EIF5B: variants seen among roughly 807,000 people sequenced by gnomAD.
The protein encoded by EIF5B is eIF-5B.
In EIF5B, 47 loss-of-function variants were observed where a neutral mutation model predicts 147.5. That is an observed-to-expected ratio of 0.32 (90% CI 0.25 to 0.41). The LOEUF is 0.41. Ranked by LOEUF, EIF5B falls within the 10% of genes least tolerant of loss-of-function variation. The pLI, the probability that EIF5B is intolerant of heterozygous loss-of-function variation, is 1.00. For missense variants in EIF5B, 1,064 were observed against 1,413.2 expected (o/e 0.75, Z 3.96); for synonymous variants, 455 against 456.2 (o/e 1.00, Z 0.03).
Position 99,360,256 on chromosome 2 carries a change from T to A in EIF5B, c.56T>A (p.Leu19His). The change falls in exon 2 of 24, where the codon CTT (leucine) becomes CAT (histidine). Residue 19 changes from leucine to histidine, a missense_variant. Leu to His is a moderately conservative substitution (Grantham distance 99, BLOSUM62 -3). This residue lies in a region of EIF5B where 458 missense variants were observed against 451.3 expected (regional missense o/e 1.01). Transcript: ENST00000289371. ...SEDSTKDDID[L>H]DALAAEIEGA... Reference sequence around the variant, plus strand: ...TTAAGCACCAAGGATGACATTGATCTTGATGCCTTGGCTGCAGAAATAGAA... The same window carrying A: ...TTAAGCACCAAGGATGACATTGATCATGATGCCTTGGCTGCAGAAATAGAA... The A allele has an allele frequency of 6.2e-7, 1 of 1,604,338 alleles. No individual in the cohort carries two copies. The highest frequency in any genetic ancestry group is 8.5e-7 in the Non-Finnish European group (1 of 1,177,288).
chr2:99,382,969 T>A (rs768888058), intron 14 of EIF5B, 48 bp downstream of exon 14: 2 of 1,522,008 alleles, frequency 1.3e-6, no homozygotes, highest in South Asian at 2.6e-5. Flanking sequence ...TGTTTCTTAA[T>A]TTTTTGTGAT....
chr2:99,392,099 C>T (rs1408716187), intron 17 of EIF5B, among the ~76,000 whole-genome samples: 1 of 151,768 alleles, frequency 6.6e-6, no homozygotes, highest in Non-Finnish European at 1.5e-5. Context: ...GACTATATCA[C>T]AACATATCTA....
chr2:99,384,120 C>G (rs1007251219), intron 14 of EIF5B, among the ~76,000 whole-genome samples: 1 of 143,420 alleles, frequency 7.0e-6, no homozygotes, highest in Non-Finnish European at 1.5e-5. Flanking sequence ...TGGCGTGAAC[C>G]CGGGAGGCGG....
chr2:99,371,726 A>G lies in EIF5B; in HGVS notation c.1548A>G (p.Glu516=). The change falls in exon 9 of 24, where the codon GAA becomes GAG. Residue 516 remains glutamate (E), a synonymous_variant. Coordinates refer to ENST00000289371, the MANE Select transcript of EIF5B (RefSeq NM_015904.4). ...WEAMASDEET[E]KVEGNKVHIE... ...CTATGGCCAGTGATGAGGAGACAGA[A>G]AAAGGTGAATACCTCATAAGCACAC... 22 of 1,612,736 alleles carry G rather than the reference A, an allele frequency of 1.4e-5. No individual in the cohort carries two copies. The highest frequency in any genetic ancestry group is 1.8e-5 in the Non-Finnish European group (21 of 1,179,240).
rs1361946650 is a variant in EIF5B at position 99,361,610 on chromosome 2, G to A, written c.709G>A (p.Glu237Lys). Reference sequence around the variant, plus strand: ...GGCCCAAAAGAAGGCAGAAAAGAAGGAGCGCGAGAGAAAAAAGCGAGATGA... The same window carrying A: ...GGCCCAAAAGAAGGCAGAAAAGAAGAAGCGCGAGAGAAAAAAGCGAGATGA... ...TVAQKKAEKK[E>K]RERKKRDEEK... Residue 237 changes from glutamate to lysine, a missense_variant, in exon 4 of 24, where the codon GAG becomes AAG. Around this residue, in one of 4 missense-constraint regions of EIF5B, gnomAD observed 458 missense variants for 451.3 expected, o/e 1.01. Coordinates refer to ENST00000289371, the MANE Select transcript of EIF5B (RefSeq NM_015904.4). 6.3e-7 allele frequency: 1 copy of A among 1,594,658 alleles called. No homozygotes were observed. Among genetic ancestry groups the A allele is most frequent in the East Asian group, 2.2e-5 (1 of 44,758 alleles).
Position 99,359,407 on chromosome 2 carries a change from C to T in EIF5B, c.36-829C>T, listed in dbSNP as rs12623620. On this transcript the variant is annotated intron_variant, in intron 1 of 23. Coordinates refer to ENST00000289371, the MANE Select transcript of EIF5B (RefSeq NM_015904.4). Reference sequence around the variant, plus strand: ...AAAAAAAGAAATTTTCTTTACTGAACTAAAGCATCTCTTACAAGGTGTCCA... The same window carrying T: ...AAAAAAAGAAATTTTCTTTACTGAATTAAAGCATCTCTTACAAGGTGTCCA... Among the ~76,000 whole-genome samples, 11 of 152,038 alleles carry T rather than the reference C, an allele frequency of 7.2e-5. No homozygotes were observed. The South Asian group carries it at 1.2e-3, about 17-fold the overall frequency.
At chr2:99,353,988 G>C (rs1437099586) in intron 1 of EIF5B, among the ~76,000 whole-genome samples, 1 of 152,168 alleles carries the variant, frequency 6.6e-6, no homozygotes, top group Non-Finnish European at 1.5e-5. Flanking sequence ...AAATTGCTAT[G>C]AACTTCTGTC....
chr2:99,387,120 CT>C (rs1286553182), intron 14 of EIF5B, among the ~76,000 whole-genome samples: 1 of 152,078 alleles, frequency 6.6e-6, no homozygotes, highest in Non-Finnish European at 1.5e-5. Context: ...GTTGGTCAGG[CT>C]GGTCTTGAGC....
At chr2:99,357,622 A>G (rs114837881) in intron 1 of EIF5B, among the ~76,000 whole-genome samples, 10 of 152,346 alleles carry the variant, frequency 6.6e-5, no homozygotes, top group African/African-American at 2.4e-4. Context: ...AAATATAGCT[A>G]ATCACAAGAA....
At position 99,390,695 on chromosome 2, in the gene EIF5B, T is replaced by C; in HGVS notation, c.2738T>C (p.Leu913Ser). 1 of 1,601,668 alleles carries C rather than the reference T, an allele frequency of 6.2e-7. No individual in the cohort carries two copies. The highest frequency in any genetic ancestry group is 1.7e-5 in the Admixed American group (1 of 59,808). ...CTGTTACCTCCTCCTATGAAGGAAT[T>C]ACGAGTGAAGGTATGCTGAGGTGGG... Reference protein sequence around the residue: ...GLLLPPPMKELRVKNQYEKHK... With the variant: ...GLLLPPPMKESRVKNQYEKHK... The change falls in exon 17 of 24, where the codon TTA (leucine) becomes TCA (serine). Residue 913 changes from leucine (L) to serine (S), a missense_variant. By Grantham distance (145) the Leu-to-Ser change is moderately radical. Coordinates refer to ENST00000289371, the MANE Select transcript of EIF5B (RefSeq NM_015904.4).
rs745987409 is a variant in EIF5B, at chr2:99,360,519, C to G, written c.216C>G (p.Ile72Met). 1 of 1,613,646 alleles carries G rather than the reference C, an allele frequency of 6.2e-7. No homozygotes were observed. Among genetic ancestry groups the G allele is most frequent in the Non-Finnish European group, 8.5e-7 (1 of 1,179,842 alleles). The change falls in exon 3 of 24, where the codon ATC becomes ATG. Residue 72 changes from isoleucine to methionine, a missense_variant. Coordinates refer to ENST00000289371, the MANE Select transcript of EIF5B (RefSeq NM_015904.4). ...AATTGTCTTTGGAAGCTCAAGGCAT[C>G]AAAGCTGACAGAGAAACTGTTGCAG... Reference protein sequence around the residue: ...LEELSLEAQGIKADRETVAVK... With the variant: ...LEELSLEAQGMKADRETVAVK...
intron 1 of EIF5B, among the ~76,000 whole-genome samples, chr2:99,339,684 T>TA (rs998795639): frequency 4.3e-4 from 66 of 152,282 alleles, no homozygotes; most frequent in African/African-American, 1.5e-3. Context: ...TTTCCCTACT[T>TA]ACACTTTTTA....
intron 14 of EIF5B, among the ~76,000 whole-genome samples, chr2:99,386,277 G>A (rs1674804333): frequency 6.6e-6 from 1 of 152,198 alleles, no homozygotes; most frequent in African/African-American, 2.4e-5. Flanking sequence ...TGCTTAGAGA[G>A]ATGACCATAT....
chr2:99,398,652 G>T lies in EIF5B; in HGVS notation c.3394-96G>T. ...CGCACTGCCATGACTTTTAAAACAG[G>T]CTTTTGCTCTAGTTCTTACTTCAGC... On this transcript the variant is annotated intron_variant, in intron 22 of 23. Coordinates refer to ENST00000289371, the MANE Select transcript of EIF5B (RefSeq NM_015904.4). The T allele has an allele frequency of 4.5e-6, 6 of 1,321,022 alleles. No individual in the cohort carries two copies. The South Asian group carries it at 7.6e-5, about 17-fold the overall frequency. The allele number at this position is 1,321,022 out of a possible 1,614,324, so 81.8% of individuals were successfully genotyped here. A position where few individuals can be genotyped will look rare whatever the true frequency, so the allele number is the denominator to read the frequency against.
At chr2:99,395,439 T>TC (rs1328367686) in intron 21 of EIF5B, among the ~76,000 whole-genome samples, 1 of 152,190 alleles carries the variant, frequency 6.6e-6, no homozygotes, top group Non-Finnish European at 1.5e-5. Context: ...GCTCAAGTGA[T>TC]CCTCCCACCT....
intron 17 of EIF5B, 102 bp downstream of exon 17, chr2:99,390,807 G>A: frequency 8.0e-7 from 1 of 1,244,878 alleles, no homozygotes; most frequent in Non-Finnish European, 1.1e-6. Context: ...ACTTAATACA[G>A]AACACATACA....
intron 1 of EIF5B, among the ~76,000 whole-genome samples, chr2:99,342,576 C>T (rs1002748959): frequency 6.6e-6 from 1 of 151,448 alleles, no homozygotes; most frequent in Non-Finnish European, 1.5e-5. Context: ...GTAATCATTC[C>T]TCCCCCTCCT....
chr2:99,371,440 A>G (rs902555957), intron 8 of EIF5B, among the ~76,000 whole-genome samples: 9 of 151,456 alleles, frequency 5.9e-5, no homozygotes, highest in African/African-American at 2.2e-4. Context: ...GTGAGCCGAG[A>G]TCACGCCACC....
intron 14 of EIF5B, 116 bp from the exon 15 acceptor site, chr2:99,389,602 A>AAGTC (rs1337829448): frequency 2.3e-6 from 2 of 885,062 alleles, no homozygotes; most frequent in Non-Finnish European, 3.2e-6. Context: ...GTGTATGAGT[A>AAGTC]AGTCACACTG....
Sources: allele counts gnomAD v4.1 joint callset (sites outside exome capture counted in the v4.1 genomes callset), GRCh38; gene constraint gnomAD v4.1.1; regional missense constraint gnomAD v4.1.1; transcripts MANE v1.5; gene names NCBI Gene and HGNC (gene_info 2026-07-23, HGNC 2026-07-21).